Variants in TIAM1 observed in about 807,000 individuals in gnomAD.
TIAM1 encodes the protein rho guanine nucleotide exchange factor TIAM1.
Under a neutral mutation model 163.5 loss-of-function variants are expected in TIAM1, and 65 were observed. The observed-to-expected ratio is 0.40, with a 90% CI of 0.33 to 0.49. The LOEUF (loss-of-function observed/expected upper bound fraction) is 0.49, where lower values mean the gene tolerates loss of function less well. Among genes scored for constraint, TIAM1 ranks in the 20% least tolerant of loss-of-function variants. The pLI, the probability that TIAM1 is intolerant of heterozygous loss-of-function variation, is 0.77. For synonymous variants in TIAM1, 833 were observed against 810.1 expected (o/e 1.03, Z -0.48); for missense variants, 1,789 against 2,044.7 (o/e 0.87, Z 2.41).
chr21:31,372,012 C>A (rs1602118488), intron 2 of TIAM1, among the ~76,000 whole-genome samples: 1 of 152,164 alleles, frequency 6.6e-6, no homozygotes, highest in African/African-American at 2.4e-5. Flanking sequence ...CAATGGCAGA[C>A]AAGCCAAAAG....
intron 2 of TIAM1, among the ~76,000 whole-genome samples, chr21:31,313,994 G>GT (rs777956400): frequency 6.6e-6 from 1 of 152,238 alleles, no homozygotes; most frequent in Non-Finnish European, 1.5e-5. Context: ...TAATGGGAGT[G>GT]TAAGATGTGA....
chr21:31,312,771 C>G (rs1229223072), intron 2 of TIAM1, among the ~76,000 whole-genome samples: 1 of 152,156 alleles, frequency 6.6e-6, no homozygotes, highest in African/African-American at 2.4e-5. Flanking sequence ...AGTTCATGCT[C>G]CTTTCCCGGA....
chr21:31,474,551 T>C (rs1244050882), intron 1 of TIAM1, among the ~76,000 whole-genome samples: 1 of 151,616 alleles, frequency 6.6e-6, no homozygotes, highest in East Asian at 1.9e-4. Flanking sequence ...TTAGTCTTTT[T>C]TTTTTTTTTT....
chr21:31,295,229 G>T (rs890849549), intron 2 of TIAM1, among the ~76,000 whole-genome samples: 2 of 152,132 alleles, frequency 1.3e-5, no homozygotes, highest in Non-Finnish European at 2.9e-5. Context: ...CCAGCACTTT[G>T]GGAGGCCAAG....
chr21:31,172,531 C>G (rs2268220), intron 15 of TIAM1, among the ~76,000 whole-genome samples: 1 of 152,080 alleles, frequency 6.6e-6, no homozygotes, highest in Non-Finnish European at 1.5e-5. Context: ...AAGGCTCAGT[C>G]GTGGCTGGAG....
intron 2 of TIAM1, among the ~76,000 whole-genome samples, chr21:31,360,197 G>C (rs2076385561): frequency 6.6e-6 from 1 of 152,000 alleles, no homozygotes; most frequent in Non-Finnish European, 1.5e-5. Flanking sequence ...TCTTCTAAGT[G>C]TTTGAAGAAA....
upstream of TIAM1, among the ~76,000 whole-genome samples, chr21:31,347,208 C>T (rs1477249709): frequency 1.3e-5 from 2 of 152,106 alleles, no homozygotes; most frequent in Non-Finnish European, 2.9e-5. Context: ...TTACATAAAC[C>T]CTGCTGGCTC....
intron 2 of TIAM1, among the ~76,000 whole-genome samples, chr21:31,382,312 C>T (rs2076792111): frequency 6.6e-6 from 1 of 152,146 alleles, no homozygotes; most frequent in African/African-American, 2.4e-5. Flanking sequence ...TCATAGGTGA[C>T]AAAAGGCATG....
At chr21:31,315,607 G>A (rs1437095420) in intron 2 of TIAM1, among the ~76,000 whole-genome samples, 2 of 149,326 alleles carry the variant, frequency 1.3e-5, no homozygotes, top group African/African-American at 5.0e-5. Flanking sequence ...CCAGGGAGGC[G>A]GAGGTTGTAA....
At chr21:31,341,768 G>A (rs1018693463) in intron 1 of TIAM1, among the ~76,000 whole-genome samples, 5 of 152,184 alleles carry the variant, frequency 3.3e-5, no homozygotes, top group Non-Finnish European at 7.3e-5. Flanking sequence ...AACGAACTCA[G>A]TTGCTAATTT....
chr21:31,244,755 TTAGTATTCTCAA>T (rs2071406184), intron 6 of TIAM1, among the ~76,000 whole-genome samples: 1 of 152,284 alleles, frequency 6.6e-6, no homozygotes, highest in Non-Finnish European at 1.5e-5. Flanking sequence ...CAAAATCTTC[TTAGTATTCTCAA>T]TAGCACTATG....
chr21:31,443,910 ACAT>A (rs1202808866), intron 2 of TIAM1, among the ~76,000 whole-genome samples: 1 of 152,158 alleles, frequency 6.6e-6, no homozygotes, highest in Non-Finnish European at 1.5e-5. Context: ...ATAATATAAA[ACAT>A]CAGACAGAGC....
At chr21:31,166,106 G>A (rs926334280) in intron 15 of TIAM1, among the ~76,000 whole-genome samples, 1 of 152,198 alleles carries the variant, frequency 6.6e-6, no homozygotes, top group African/African-American at 2.4e-5. Flanking sequence ...AACAGGCATG[G>A]GGTTGGGCCT....
chr21:31,334,108 C>T (rs113589336), intron 2 of TIAM1, among the ~76,000 whole-genome samples: 14 of 152,352 alleles, frequency 9.2e-5, no homozygotes, highest in Admixed American at 2.6e-4. Context: ...TTCAACCCCA[C>T]GCTTGGTTTG....
At chr21:31,468,434 G>A (rs1292268741) in intron 1 of TIAM1, among the ~76,000 whole-genome samples, 3 of 151,120 alleles carry the variant, frequency 2.0e-5, no homozygotes, top group East Asian at 2.0e-4. Flanking sequence ...AGTGAGCGAA[G>A]ATCACACCAC....
chr21:31,184,341 G>T (rs1249991517), intron 14 of TIAM1, among the ~76,000 whole-genome samples: 1 of 152,124 alleles, frequency 6.6e-6, no homozygotes, highest in Non-Finnish European at 1.5e-5. Flanking sequence ...CCTCACCTCA[G>T]GTGATCCGCC....
chr21:31,310,762 C>T (rs143674393), intron 2 of TIAM1, among the ~76,000 whole-genome samples: 106 of 152,246 alleles, frequency 7.0e-4, no homozygotes, highest in African/African-American at 2.5e-3. Context: ...TAGAAAAGTG[C>T]TCTTGTTAGC....
At position 31,213,496 on chromosome 21, in the gene TIAM1, T is replaced by C. The variant is rs1460924190; in HGVS notation, c.2143-24A>G. 5 of 1,610,806 alleles carry C rather than the reference T, an allele frequency of 3.1e-6. No individual in the cohort carries two copies. The East Asian group carries it at 8.9e-5, about 29-fold the overall frequency. ...ACCTGCATATACAAAAGTACCACCT[T>C]AAAAAGGAATCTGGGCAACAGGGCA... On this transcript the variant is annotated intron_variant, in intron 9 of 27. Coordinates refer to ENST00000541036, the MANE Select transcript of TIAM1 (RefSeq NM_001353694.2).
At chr21:31,279,515 C>A (rs748227583) in intron 2 of TIAM1, among the ~76,000 whole-genome samples, 1 of 152,214 alleles carries the variant, frequency 6.6e-6, no homozygotes, top group Non-Finnish European at 1.5e-5. Context: ...GGAGTCCAAG[C>A]TGGGAGTCGG....
Sources: allele counts gnomAD v4.1 joint callset (sites outside exome capture counted in the v4.1 genomes callset), GRCh38; gene constraint gnomAD v4.1.1; transcripts MANE v1.5; gene names NCBI Gene and HGNC (gene_info 2026-07-23, HGNC 2026-07-21).